Variants in TUBGCP3 observed in about 807,000 individuals in gnomAD.
The protein encoded by TUBGCP3 is gamma-tubulin complex component 3.
Under a neutral mutation model 123.1 loss-of-function variants are expected in TUBGCP3, and 50 were observed. The ratio of observed to expected loss-of-function variants is 0.41; its 90% CI spans 0.32 to 0.51. The LOEUF (loss-of-function observed/expected upper bound fraction) is 0.51, where lower values mean the gene tolerates loss of function less well. Among genes scored for constraint, TUBGCP3 ranks in the 20% least tolerant of loss-of-function variants. TUBGCP3 has a pLI of 0.36. For synonymous variants in TUBGCP3, 405 were observed against 413.9 expected (o/e 0.98, Z 0.26); for missense variants, 882 against 1,127.0 (o/e 0.78, Z 3.11).
In TUBGCP3 at chr13:112,499,060, T is replaced by C. The variant is rs1388960667; in HGVS notation, c.2433A>G (p.Lys811=). The change falls in exon 20 of 22, where the codon AAA becomes AAG. Residue 811 remains lysine (K), a synonymous_variant. Coordinates refer to ENST00000261965, the MANE Select transcript of TUBGCP3 (RefSeq NM_006322.6). ...AAGACCATACCTCAATTTCACGCTG[T>C]TTCTTTTTCTCTTCAAACTGTAATC... ...QRRLQFEEKK[K]QREIEGQWGV... The C allele has an allele frequency of 1.2e-6, 2 of 1,614,192 alleles. No homozygotes were observed. The highest frequency in any genetic ancestry group is 1.7e-6 in the Non-Finnish European group (2 of 1,180,016).
At chr13:112,552,045 A>G (rs1594187416) in intron 8 of TUBGCP3, among the ~76,000 whole-genome samples, 1 of 152,182 alleles carries the variant, frequency 6.6e-6, no homozygotes, top group Non-Finnish European at 1.5e-5. Flanking sequence ...CAGGAGGCAG[A>G]GCTCAGGCGG....
the TUBGCP3 span, among the ~76,000 whole-genome samples, chr13:112,601,964 G>A: frequency 2.6e-5 from 4 of 152,150 alleles, no homozygotes; most frequent in Non-Finnish European, 5.9e-5. Flanking sequence ...CTGCACTATT[G>A]CTCCTTATGC....
At chr13:112,501,418 T>C (rs1880897850) in intron 19 of TUBGCP3, among the ~76,000 whole-genome samples, 1 of 152,218 alleles carries the variant, frequency 6.6e-6, no homozygotes, top group Admixed American at 6.5e-5. Flanking sequence ...CTGCTGGCAA[T>C]CTGTCCACAC....
chr13:112,589,447 GC>G (rs1244426603), upstream of TUBGCP3, among the ~76,000 whole-genome samples: 1 of 152,176 alleles, frequency 6.6e-6, no homozygotes, highest in Non-Finnish European at 1.5e-5. Context: ...TAGCGTCTTT[GC>G]CCAAAGAAAT....
chr13:112,487,083 C>CTG (rs373263012), intron 21 of TUBGCP3, among the ~76,000 whole-genome samples: 25,596 of 77,138 alleles, frequency 0.33, 2,301 homozygotes, highest in East Asian at 0.37. Context: ...GTGTGTGTGT[C>CTG]TGTGTGTGTG....
At chr13:112,538,912 T>C (rs766509219) in intron 11 of TUBGCP3, among the ~76,000 whole-genome samples, 8 of 152,198 alleles carry the variant, frequency 5.3e-5, no homozygotes, top group Non-Finnish European at 1.0e-4. Context: ...CACAATGTAA[T>C]TGTCTAAATT....
chr13:112,499,769 T>C (rs1880778791), intron 19 of TUBGCP3, among the ~76,000 whole-genome samples: 1 of 152,204 alleles, frequency 6.6e-6, no homozygotes, highest in East Asian at 1.9e-4. Context: ...AATATCAGTG[T>C]CACAGCAGGT....
chr13:112,487,670 C>G (rs1189477798), intron 21 of TUBGCP3, among the ~76,000 whole-genome samples: 1 of 152,156 alleles, frequency 6.6e-6, no homozygotes, highest in African/African-American at 2.4e-5. Flanking sequence ...GGCATCGTGT[C>G]AAAACACCAT....
chr13:112,586,928 G>A (rs1017439689), intron 1 of TUBGCP3, among the ~76,000 whole-genome samples: 12 of 152,178 alleles, frequency 7.9e-5, no homozygotes, highest in African/African-American at 2.7e-4. Context: ...ATTCATGATT[G>A]CCCCAAGATT....
chr13:112,501,474 A>G (rs763159814), intron 19 of TUBGCP3, among the ~76,000 whole-genome samples: 14 of 152,202 alleles, frequency 9.2e-5, no homozygotes, highest in Non-Finnish European at 1.8e-4. Flanking sequence ...AGTGGTACCA[A>G]TTCACTCTGC....
In TUBGCP3 at chr13:112,554,083, C is replaced by T; in HGVS notation, c.940G>A (p.Asp314Asn). 1.2e-6 allele frequency: 2 copies of T among 1,614,072 alleles called. No individual in the cohort carries two copies. Among genetic ancestry groups the T allele is most frequent in the Non-Finnish European group, 1.7e-6 (2 of 1,180,004 alleles). The change falls in exon 8 of 22, where the codon GAC (aspartate) becomes AAC (asparagine). Residue 314 changes from aspartate to asparagine, a missense_variant. Transcript: ENST00000261965. ...TGCCCGACGAGTCCGAATGAGCGGT[C>T]CAGGCTCCTCTGGTCCGTGTATCTT... ...IRRYTDQRSLDRSFGLVGQSF... is the reference protein window; with the variant it reads ...IRRYTDQRSLNRSFGLVGQSF...
chr13:112,496,985 CAA>C (rs60584662), intron 20 of TUBGCP3, among the ~76,000 whole-genome samples: 54 of 101,656 alleles, frequency 5.3e-4, no homozygotes, highest in Non-Finnish European at 5.8e-4. Flanking sequence ...GACTCCCTCT[CAA>C]AAAAAAAAAA....
At chr13:112,561,198 C>G (rs1328675496) in intron 3 of TUBGCP3, among the ~76,000 whole-genome samples, 3 of 152,206 alleles carry the variant, frequency 2.0e-5, no homozygotes, top group African/African-American at 7.2e-5. Flanking sequence ...GAGATGCAAG[C>G]AGCTGAATGC....
intron 17 of TUBGCP3, among the ~76,000 whole-genome samples, chr13:112,507,180 GA>G (rs1201224702): frequency 6.6e-6 from 1 of 152,184 alleles, no homozygotes; most frequent in East Asian, 1.9e-4. Flanking sequence ...CTTTTCATGG[GA>G]AAACAAATGG....
intron 20 of TUBGCP3, among the ~76,000 whole-genome samples, chr13:112,496,878 T>C (rs572952882): frequency 2.0e-5 from 3 of 151,138 alleles, no homozygotes; most frequent in South Asian, 4.2e-4. Flanking sequence ...CCCAGCTACT[T>C]GGGAGGCTGA....
In TUBGCP3 at chr13:112,508,488, C is replaced by A. The variant is rs1332497531; in HGVS notation, c.2087-3774G>T. Among the ~76,000 whole-genome samples, 1 of 152,114 alleles carries A rather than the reference C, an allele frequency of 6.6e-6. No homozygotes were observed. Among genetic ancestry groups the A allele is most frequent in the Non-Finnish European group, 1.5e-5 (1 of 68,024 alleles). ...ACGACAGACAGGTCTACAGCCCCCA[C>A]CCCAACCCCATCTTCCTCCTAGCCA... On this transcript the variant is annotated intron_variant, in intron 17 of 21. Transcript: ENST00000261965. This position sits in a 1 kb window ranked among gnomAD's most constrained non-coding sequence, Gnocchi z 4.2.
At chr13:112,569,049 C>T (rs1010648812) in intron 2 of TUBGCP3, 103 bp downstream of exon 2, 14 of 992,492 alleles carry the variant, frequency 1.4e-5, no homozygotes, top group East Asian at 1.0e-4. Flanking sequence ...TATTAAAATG[C>T]GCTTGGGAAC....
intron 17 of TUBGCP3, among the ~76,000 whole-genome samples, chr13:112,515,693 C>A (rs1262211928): frequency 6.6e-6 from 1 of 152,188 alleles, no homozygotes; most frequent in Admixed American, 6.5e-5. Flanking sequence ...CCACTATAGT[C>A]AAATATCAAC....
At chr13:112,548,001 G>T in intron 9 of TUBGCP3, 107 bp downstream of exon 9, 1 of 913,446 alleles carries the variant, frequency 1.1e-6, no homozygotes, top group South Asian at 2.5e-5. Flanking sequence ...GAAAAATATT[G>T]CTGTATTTTA....
Sources: allele counts gnomAD v4.1 joint callset (sites outside exome capture counted in the v4.1 genomes callset), GRCh38; gene constraint gnomAD v4.1.1; non-coding constraint Gnocchi (gnomAD v3.1); transcripts MANE v1.5; gene names NCBI Gene and HGNC (gene_info 2026-07-23, HGNC 2026-07-21).